Variants in CCSER1 observed in about 807,000 individuals in gnomAD.
CCSER1 encodes serine-rich coiled-coil domain-containing protein 1.
In CCSER1, 41 loss-of-function variants were observed where a neutral mutation model predicts 82.0. The observed-to-expected ratio is 0.50, with a 90% CI of 0.39 to 0.65. The LOEUF is 0.65. CCSER1 is among the 30% of genes least tolerant of loss of function. CCSER1 has a pLI of 0.00. For missense variants in CCSER1, 1,119 were observed against 1,064.2 expected (o/e 1.05, Z -0.72); for synonymous variants, 414 against 383.9 (o/e 1.08, Z -0.92).
intron 10 of CCSER1, among the ~76,000 whole-genome samples, chr4:91,288,051 GTTTA>G (rs1375101078): frequency 1.9e-5 from 1 of 51,326 alleles, no homozygotes; most frequent in Admixed American, 1.7e-4. Flanking sequence ...AGGCTATTGA[GTTTA>G]TTTAGGATAT....
At chr4:90,640,397 T>G (rs1726272696) in intron 6 of CCSER1, among the ~76,000 whole-genome samples, 1 of 152,166 alleles carries the variant, frequency 6.6e-6, no homozygotes, top group Admixed American at 6.6e-5. Flanking sequence ...CTATAGATTT[T>G]ATTAGGTTAA....
chr4:90,889,257 C>T (rs1017907595), intron 8 of CCSER1, among the ~76,000 whole-genome samples: 3 of 152,078 alleles, frequency 2.0e-5, no homozygotes, highest in Non-Finnish European at 2.9e-5. Flanking sequence ...ATCTCGGAAC[C>T]TGCCAAGTTA....
intron 10 of CCSER1, among the ~76,000 whole-genome samples, chr4:91,518,484 A>G (rs1173948735): frequency 6.6e-6 from 1 of 152,122 alleles, no homozygotes; most frequent in African/African-American, 2.4e-5. Context: ...GTACCACTGC[A>G]AAGGTGTTTT....
intron 10 of CCSER1, among the ~76,000 whole-genome samples, chr4:91,258,895 A>C (rs1468868269): frequency 6.6e-6 from 1 of 152,126 alleles, no homozygotes; most frequent in African/African-American, 2.4e-5. Flanking sequence ...GTGGGGCCAG[A>C]AAAATAGTAC....
At position 90,579,867 on chromosome 4, in the gene CCSER1, AT is replaced by A. The variant is rs988621779; in HGVS notation, c.1725-48149del. Among the ~76,000 whole-genome samples the A allele has an allele frequency of 5.3e-5, 8 of 151,430 alleles. No individual in the cohort carries two copies. The East Asian group carries it at 9.7e-4, about 18-fold the overall frequency. On this transcript the variant is annotated intron_variant, in intron 5 of 10. Transcript: ENST00000509176. ...GTAATTTCATTCATAGCTGAGAAGG[AT>A]TTTTTTTTAAAGATGGCTAAAGTCA... is the stretch of plus-strand genomic sequence containing the variant.
intron 9 of CCSER1, among the ~76,000 whole-genome samples, chr4:90,975,280 TTAGA>T (rs1391219766): frequency 6.6e-6 from 1 of 151,136 alleles, no homozygotes; most frequent in East Asian, 1.9e-4. Flanking sequence ...TTTCTTAGAA[TTAGA>T]TAGCGGTTAT....
intron 3 of CCSER1, among the ~76,000 whole-genome samples, chr4:90,315,289 G>C (rs1452514907): frequency 6.6e-6 from 1 of 152,158 alleles, no homozygotes; most frequent in South Asian, 2.1e-4. Context: ...CACTGCCGTG[G>C]TGGTGGACAG....
chr4:90,251,426 A>G (rs1722363317), intron 1 of CCSER1, among the ~76,000 whole-genome samples: 1 of 151,806 alleles, frequency 6.6e-6, no homozygotes, highest in Non-Finnish European at 1.5e-5. Context: ...GAGAGTTTTT[A>G]TCATGAAAGT....
chr4:90,498,088 G>A (rs1769307990), intron 5 of CCSER1, among the ~76,000 whole-genome samples: 2 of 152,092 alleles, frequency 1.3e-5, no homozygotes, highest in South Asian at 2.1e-4. Context: ...TAAATTCCAA[G>A]ATCCCCAGTG....
At chr4:91,427,950 C>G (rs1431548826) in intron 10 of CCSER1, among the ~76,000 whole-genome samples, 1 of 151,880 alleles carries the variant, frequency 6.6e-6, no homozygotes, top group Non-Finnish European at 1.5e-5. Context: ...TATTTAGCTC[C>G]TAATACAAAG....
chr4:90,908,917 G>A (rs753148212), intron 8 of CCSER1, among the ~76,000 whole-genome samples: 2 of 152,134 alleles, frequency 1.3e-5, no homozygotes, highest in Admixed American at 6.6e-5. Context: ...TGTGGCTTCC[G>A]TAACAAAGTA....
At chr4:91,319,585 CAAAG>C (rs1382415311) in intron 10 of CCSER1, 1 of 444,822 alleles carries the variant, frequency 2.2e-6, no homozygotes, top group African/African-American at 2.0e-5. Flanking sequence ...ATAAGTGTCA[CAAAG>C]AAGCAATAGT....
chr4:90,577,565 G>A (rs906721789), intron 5 of CCSER1, among the ~76,000 whole-genome samples: 1 of 151,990 alleles, frequency 6.6e-6, no homozygotes, highest in African/African-American at 2.4e-5. Context: ...ACCTAACTTC[G>A]CTGATAGTTC....
At chr4:90,591,563 G>A (rs1782698413) in intron 5 of CCSER1, among the ~76,000 whole-genome samples, 1 of 152,174 alleles carries the variant, frequency 6.6e-6, no homozygotes, top group Non-Finnish European at 1.5e-5. Flanking sequence ...TGGAGAAATA[G>A]AAGCACTTTT....
At chr4:91,391,367 C>T (rs1454418845) in intron 10 of CCSER1, among the ~76,000 whole-genome samples, 1 of 152,188 alleles carries the variant, frequency 6.6e-6, no homozygotes, top group Non-Finnish European at 1.5e-5. Context: ...GTGGCACGAT[C>T]ATGGCTCAGT....
chr4:90,927,029 C>G (rs187344845), intron 9 of CCSER1, among the ~76,000 whole-genome samples: 1 of 152,040 alleles, frequency 6.6e-6, no homozygotes, highest in African/African-American at 2.4e-5. Context: ...CTACAAATAG[C>G]ATTTTGATTA....
intron 6 of CCSER1, chr4:90,663,970 T>G (rs1196123880): frequency 5.1e-6 from 1 of 194,980 alleles, no homozygotes; most frequent in African/African-American, 2.3e-5. Context: ...ATTTAAAAGA[T>G]AAAAATTGGT....
chr4:90,800,526 A>G (rs572380533), intron 7 of CCSER1, among the ~76,000 whole-genome samples: 2 of 152,318 alleles, frequency 1.3e-5, no homozygotes, highest in South Asian at 4.1e-4. Flanking sequence ...TGGGAAACAA[A>G]AATGCTGGAA....
intron 10 of CCSER1, among the ~76,000 whole-genome samples, chr4:91,228,095 T>C (rs1279125250): frequency 6.6e-6 from 1 of 152,112 alleles, no homozygotes; most frequent in African/African-American, 2.4e-5. Context: ...GGAAATTTTC[T>C]GCTTCTTCTC....
Sources: allele counts gnomAD v4.1 joint callset (sites outside exome capture counted in the v4.1 genomes callset), GRCh38; gene constraint gnomAD v4.1.1; transcripts MANE v1.5; gene names NCBI Gene and HGNC (gene_info 2026-07-23, HGNC 2026-07-21).